MLLT10: variants seen among roughly 807,000 people sequenced by gnomAD.
MLLT10 encodes the protein MLLT10 histone lysine methyltransferase DOT1L cofactor, also known as protein AF-10.
In MLLT10, 30 loss-of-function variants were observed where a neutral mutation model predicts 129.1. The observed-to-expected ratio is 0.23, with a 90% CI of 0.17 to 0.32. MLLT10 has a LOEUF of 0.32. MLLT10 is among the 10% of genes least tolerant of loss of function. MLLT10 has a pLI of 1.00. For missense variants in MLLT10, 1,119 were observed against 1,268.3 expected, an observed-to-expected ratio of 0.88 and a Z score of 1.79; for synonymous variants, 490 against 446.4, an observed-to-expected ratio of 1.10 and a Z score of -1.23.
chr10:21,556,832 AC>A, intron 3 of MLLT10: 1 of 1,555,784 alleles, frequency 6.4e-7, no homozygotes, highest in Non-Finnish European at 8.7e-7. Flanking sequence ...TCAGTCATTT[AC>A]CACTTGTCAT....
intron 3 of MLLT10, among the ~76,000 whole-genome samples, chr10:21,583,398 C>T (rs935744211): frequency 6.6e-5 from 10 of 152,016 alleles, no homozygotes; most frequent in African/African-American, 2.2e-4. Flanking sequence ...ATAGGGTGAT[C>T]AGAAAGGTGC....
intron 13 of MLLT10, among the ~76,000 whole-genome samples, chr10:21,695,913 C>G (rs878863690): frequency 6.6e-6 from 1 of 150,708 alleles, no homozygotes; most frequent in Admixed American, 6.6e-5. Flanking sequence ...ATTATTTTCT[C>G]CCTATGATGT....
intron 9 of MLLT10, among the ~76,000 whole-genome samples, chr10:21,664,787 A>G (rs765472048): frequency 3.3e-5 from 5 of 152,132 alleles, no homozygotes; most frequent in Admixed American, 1.3e-4. Flanking sequence ...TGAGTAAGCC[A>G]CTGTATTTTG....
At chr10:21,553,658 T>TTC (rs1430267563) in intron 3 of MLLT10, among the ~76,000 whole-genome samples, 1 of 147,944 alleles carries the variant, frequency 6.8e-6, no homozygotes, top group East Asian at 2.0e-4. Context: ...TTCCTTTTCT[T>TTC]TTTTTTTTTT....
chr10:21,615,022 C>G, intron 7 of MLLT10, 98 bp downstream of exon 7: 2 of 951,506 alleles, frequency 2.1e-6, no homozygotes, highest in Admixed American at 3.1e-5. Flanking sequence ...GTTCCTTTTT[C>G]CTTGAGTTTT....
At chr10:21,584,609 C>T (rs1202831244) in intron 3 of MLLT10, among the ~76,000 whole-genome samples, 6 of 152,032 alleles carry the variant, frequency 3.9e-5, no homozygotes, top group South Asian at 4.1e-4. Flanking sequence ...GCACTGCACC[C>T]GGCCTCATTA....
intron 15 of MLLT10, 106 bp downstream of exon 15, chr10:21,726,461 A>G: frequency 2.8e-6 from 2 of 714,282 alleles, no homozygotes; most frequent in East Asian, 5.2e-5. Flanking sequence ...TGTGGTTAGT[A>G]GAGGATTTGT....
At chr10:21,595,077 A>G (rs1433380263) in intron 4 of MLLT10, among the ~76,000 whole-genome samples, 1 of 152,198 alleles carries the variant, frequency 6.6e-6, no homozygotes, top group Non-Finnish European at 1.5e-5. Flanking sequence ...GTTAGTGCCA[A>G]CATCTGAATT....
chr10:21,561,302 A>T (rs1184336302), intron 3 of MLLT10, among the ~76,000 whole-genome samples: 1 of 152,114 alleles, frequency 6.6e-6, no homozygotes. Flanking sequence ...GCTGGAGTGC[A>T]GTGGTGAGAT....
intron 8 of MLLT10, among the ~76,000 whole-genome samples, chr10:21,636,838 C>T (rs1829516976): frequency 6.6e-6 from 1 of 152,106 alleles, no homozygotes; most frequent in African/African-American, 2.4e-5. Flanking sequence ...GAGTACTTAA[C>T]TAATTCTTGT....
At chr10:21,670,737 T>A in intron 10 of MLLT10, 33 bp downstream of exon 10, 1 of 1,582,354 alleles carries the variant, frequency 6.3e-7, no homozygotes, top group Non-Finnish European at 8.6e-7. Context: ...AATACTTGTG[T>A]TTAAGATGGT....
chr10:21,602,875 GCCC>G, intron 5 of MLLT10, among the ~76,000 whole-genome samples: 1 of 151,540 alleles, frequency 6.6e-6, no homozygotes, highest in South Asian at 2.1e-4. Context: ...GACTACAGGT[GCCC>G]TCCACCACGC....
chr10:21,667,053 C>CT (rs1258898703), intron 9 of MLLT10, among the ~76,000 whole-genome samples: 1 of 151,998 alleles, frequency 6.6e-6, no homozygotes, highest in East Asian at 1.9e-4. Flanking sequence ...CCAAAAAAGC[C>CT]TTTATTTTGT....
chr10:21,572,786 TG>T (rs2040349750), intron 3 of MLLT10, among the ~76,000 whole-genome samples: 3 of 151,842 alleles, frequency 2.0e-5, no homozygotes, highest in Non-Finnish European at 2.9e-5. Context: ...CTAATTTTTA[TG>T]TTTTTAGTAG....
chr10:21,727,557 G>A (rs1337911652), intron 15 of MLLT10, among the ~76,000 whole-genome samples: 1 of 152,156 alleles, frequency 6.6e-6, no homozygotes, highest in Non-Finnish European at 1.5e-5. Flanking sequence ...AATTAAAAGT[G>A]GCTGAGGGGA....
intron 9 of MLLT10, among the ~76,000 whole-genome samples, chr10:21,667,933 A>G (rs1192644230): frequency 6.6e-6 from 1 of 152,178 alleles, no homozygotes; most frequent in Non-Finnish European, 1.5e-5. Context: ...GCCATGAAAT[A>G]AAAATGACGT....
At chr10:21,625,782 C>A (rs1160221236) in intron 8 of MLLT10, 2 of 768,254 alleles carry the variant, frequency 2.6e-6, no homozygotes, top group Non-Finnish European at 4.9e-6. Flanking sequence ...TTCACAGCTT[C>A]CTGTGCAGCT....
At chr10:21,704,363 A>C (rs75735801) in intron 13 of MLLT10, among the ~76,000 whole-genome samples, 37,535 of 90,882 alleles carry the variant, frequency 0.41, 5,396 homozygotes, top group East Asian at 0.56. Flanking sequence ...CTCTCTATAT[A>C]TATATATATA....
intron 13 of MLLT10, among the ~76,000 whole-genome samples, chr10:21,691,375 T>C (rs1476096695): frequency 6.6e-6 from 1 of 152,192 alleles, no homozygotes; most frequent in Non-Finnish European, 1.5e-5. Context: ...TATATACATA[T>C]GGATATATAT....
Sources: gnomAD v4.1 joint callset for allele counts (sites outside exome capture counted in the v4.1 genomes callset) on GRCh38, gnomAD v4.1.1 for gene constraint, MANE v1.5 for transcripts, NCBI Gene and HGNC (gene_info 2026-07-23, HGNC 2026-07-21) for gene names.